COMMD1: variants seen among roughly 807,000 people sequenced by gnomAD.
COMMD1 encodes COMM domain-containing protein 1.
In COMMD1, 10 loss-of-function variants were observed where a neutral mutation model predicts 17.2. The ratio of observed to expected loss-of-function variants is 0.58; its 90% CI spans 0.36 to 0.99. The LOEUF is 0.99. Ranked by LOEUF, COMMD1 falls within the 50% of genes least tolerant of loss-of-function variation. The pLI, the probability that COMMD1 is intolerant of heterozygous loss-of-function variation, is 0.01. For missense variants in COMMD1, 270 were observed against 231.8 expected, an observed-to-expected ratio of 1.17 and a Z score of -1.07; for synonymous variants, 97 against 91.6, an observed-to-expected ratio of 1.06 and a Z score of -0.34.
At chr2:61,973,020 A>G (rs1320425688) in intron 1 of COMMD1, among the ~76,000 whole-genome samples, 3 of 152,000 alleles carry the variant, frequency 2.0e-5, no homozygotes, top group Non-Finnish European at 4.4e-5. Context: ...ACTACTTTAT[A>G]TATTTGTCTG....
In COMMD1 at chr2:61,912,025, T is replaced by C. The variant is rs1025216501; in HGVS notation, c.180+6167T>C. Among the ~76,000 whole-genome samples, 42 of 152,192 alleles carry C rather than the reference T, an allele frequency of 2.8e-4. 1 individual carries two copies. Among genetic ancestry groups the C allele is most frequent in the African/African-American group, 9.4e-4 (39 of 41,462 alleles). The stretch of plus-strand genomic sequence containing the variant: ...TTCCTATGAGCTCTTCCCTGACTTA[T>C]ATTATAAAGACCCTCATTCTTCCTT... On this transcript the variant is annotated intron_variant, in intron 1 of 2. Transcript: ENST00000311832.
At chr2:62,111,363 C>T (rs1027226826) in intron 2 of COMMD1, among the ~76,000 whole-genome samples, 6 of 152,110 alleles carry the variant, frequency 3.9e-5, no homozygotes, top group Admixed American at 2.6e-4. Context: ...GATCCCAAGA[C>T]ATAGGGAAAA....
intron 1 of COMMD1, among the ~76,000 whole-genome samples, chr2:61,970,743 T>C (rs6755858): frequency 0.93 from 142,323 of 152,240 alleles, 66,615 homozygotes; most frequent in East Asian, 1. Context: ...TTGGAAAAAT[T>C]GGATTACTTA....
intron 2 of COMMD1, among the ~76,000 whole-genome samples, chr2:62,078,239 CAAAAAAAAAAAAA>C (rs56320690): frequency 2.5e-4 from 5 of 19,866 alleles, no homozygotes; most frequent in Admixed American, 9.4e-4. Context: ...CACACCAATG[CAAAAAAAAAAAAA>C]AAAAAAAAAA....
At chr2:62,126,534 CT>C (rs951801121) in intron 2 of COMMD1, among the ~76,000 whole-genome samples, 1 of 152,152 alleles carries the variant, frequency 6.6e-6, no homozygotes, top group Non-Finnish European at 1.5e-5. Context: ...TGACATTGGG[CT>C]TTTTCACATT....
chr2:62,125,460 A>G (rs1439846939), intron 2 of COMMD1, among the ~76,000 whole-genome samples: 1 of 152,102 alleles, frequency 6.6e-6, no homozygotes, highest in Non-Finnish European at 1.5e-5. Context: ...GATTTGCAGT[A>G]TGATTTTTTT....
At chr2:61,949,816 C>G (rs779280653) in intron 1 of COMMD1, among the ~76,000 whole-genome samples, 10 of 152,134 alleles carry the variant, frequency 6.6e-5, no homozygotes, top group Non-Finnish European at 1.3e-4. Flanking sequence ...GGACTGAGAT[C>G]TTTTATTTAG....
At position 61,998,313 on chromosome 2, in the gene COMMD1, G is replaced by T. The variant is rs1280599464; in HGVS notation, c.181-2388G>T. 6.0e-5 allele frequency among the ~76,000 whole-genome samples: 9 copies of T among 149,318 alleles called. No individual in the cohort carries two copies. In the Admixed American group the frequency reaches 6.1e-4, roughly 10 times the overall value. ...TGTCCTCCAGGCTGAGGCTGGAAGT[G>T]CAGTCGTACTATCTTGGCTCACTGC... On this transcript the variant is annotated intron_variant, in intron 1 of 2. Transcript: ENST00000311832.
intron 1 of COMMD1, 64 bp downstream of exon 1, chr2:61,905,922 TC>T (rs996361598): frequency 1.4e-5 from 21 of 1,528,190 alleles, no homozygotes; most frequent in African/African-American, 1.1e-4. Flanking sequence ...CTTCAGACTC[TC>T]CCCCCCTTGC....
intron 1 of COMMD1, among the ~76,000 whole-genome samples, chr2:61,913,003 A>C (rs183358553): frequency 6.6e-6 from 1 of 152,268 alleles, no homozygotes; most frequent in Non-Finnish European, 1.5e-5. Context: ...GTAGGGCAGC[A>C]TGGTTTTGCT....
chr2:61,916,552 G>A (rs534940299), intron 1 of COMMD1, among the ~76,000 whole-genome samples: 213 of 152,130 alleles, frequency 1.4e-3, no homozygotes, highest in Middle Eastern at 3.4e-3. Context: ...CCCCTGAGTG[G>A]CTGGGACTAC....
chr2:62,000,672 A>T (rs760766374), intron 1 of COMMD1, 29 bp from the exon 2 acceptor site: 6 of 1,611,028 alleles, frequency 3.7e-6, no homozygotes, highest in South Asian at 1.1e-5. Context: ...TTTAATTCAA[A>T]TTTTTTGCTT....
chr2:62,034,792 G>GT (rs199836053), intron 2 of COMMD1, among the ~76,000 whole-genome samples: 1 of 151,696 alleles, frequency 6.6e-6, no homozygotes, highest in Non-Finnish European at 1.5e-5. Context: ...AGGAGAAACA[G>GT]TTTTAAAAAA....
chr2:62,001,706 A>C (rs1173944346), intron 2 of COMMD1, among the ~76,000 whole-genome samples: 2 of 152,222 alleles, frequency 1.3e-5, no homozygotes, highest in African/African-American at 4.8e-5. Context: ...TTTTCAGATA[A>C]ATAATCAAAT....
chr2:61,929,319 G>T (rs141681209), intron 1 of COMMD1, among the ~76,000 whole-genome samples: 2 of 152,146 alleles, frequency 1.3e-5, no homozygotes, highest in Non-Finnish European at 2.9e-5. Context: ...TTCTTTGGGC[G>T]TTCCCGGCTC....
At chr2:62,017,011 T>C (rs1194575085) in intron 2 of COMMD1, among the ~76,000 whole-genome samples, 1 of 152,250 alleles carries the variant, frequency 6.6e-6, no homozygotes, top group African/African-American at 2.4e-5. Context: ...ATCATGTTTC[T>C]GAATTTTCTA....
intron 2 of COMMD1, among the ~76,000 whole-genome samples, chr2:62,003,463 C>T (rs893124428): frequency 6.6e-6 from 1 of 151,834 alleles, no homozygotes; most frequent in Non-Finnish European, 1.5e-5. Context: ...ATGGTGTGAA[C>T]CCAGGAGGTG....
intron 2 of COMMD1, among the ~76,000 whole-genome samples, chr2:62,055,657 T>C (rs1465259392): frequency 6.6e-6 from 1 of 152,236 alleles, no homozygotes; most frequent in South Asian, 2.1e-4. Flanking sequence ...TGTGTCTGCA[T>C]TGAGAGCATC....
At chr2:61,969,711 A>C (rs1037948638) in intron 1 of COMMD1, among the ~76,000 whole-genome samples, 3 of 152,202 alleles carry the variant, frequency 2.0e-5, no homozygotes, top group African/African-American at 7.2e-5. Context: ...AAATTGGAGA[A>C]GTGCATAGCT....
Sources: gnomAD v4.1 joint callset for allele counts (sites outside exome capture counted in the v4.1 genomes callset) on GRCh38, gnomAD v4.1.1 for gene constraint, MANE v1.5 for transcripts, NCBI Gene and HGNC (gene_info 2026-07-23, HGNC 2026-07-21) for gene names.